Variants in PLD5 observed in about 807,000 individuals in gnomAD.
PLD5 encodes inactive phospholipase D5.
Under a neutral mutation model 61.1 loss-of-function variants are expected in PLD5, and 36 were observed. That is an observed-to-expected ratio of 0.59 (90% CI 0.45 to 0.78). The LOEUF is 0.78. PLD5 is among the 30% of genes least tolerant of loss of function. The pLI, the probability that PLD5 is intolerant of heterozygous loss-of-function variation, is 0.00. For synonymous variants in PLD5, 243 were observed against 242.8 expected, an observed-to-expected ratio of 1.00 and a Z score of -0.01; for missense variants, 515 against 644.4, an observed-to-expected ratio of 0.80 and a Z score of 2.17.
At chr1:242,272,425 CTA>C (rs1425808345) in intron 3 of PLD5, among the ~76,000 whole-genome samples, 2 of 152,046 alleles carry the variant, frequency 1.3e-5, no homozygotes, top group Non-Finnish European at 2.9e-5. Flanking sequence ...ACTTCTCACT[CTA>C]TATATCAAAT....
rs114172306 is a variant in PLD5, at chr1:242,289,160, G to A, written c.327-630C>T. On this transcript the variant is annotated intron_variant, in intron 2 of 9. Coordinates refer to ENST00000536534, the MANE Select transcript of PLD5 (RefSeq NM_001372062.1). ...ATCAAGCCCTAAATAAACTGCAATTGGCAATATTCTAATAAGTTTGTTTTC... is the reference window on the plus strand; with the variant it reads ...ATCAAGCCCTAAATAAACTGCAATTAGCAATATTCTAATAAGTTTGTTTTC... Among the ~76,000 whole-genome samples, 811 of 152,176 alleles carry A rather than the reference G, an allele frequency of 5.3e-3. 3 individuals are homozygous for A. The highest frequency in any genetic ancestry group is 0.014 in the East Asian group (70 of 5,176).
chr1:242,115,169 T>C (rs1464530270), intron 6 of PLD5, among the ~76,000 whole-genome samples: 1 of 151,672 alleles, frequency 6.6e-6, no homozygotes, highest in Non-Finnish European at 1.5e-5. Flanking sequence ...CAGAGCAAGA[T>C]GCTGTCTGAA....
chr1:242,448,861 G>C (rs1666661515), intron 1 of PLD5, among the ~76,000 whole-genome samples: 1 of 152,208 alleles, frequency 6.6e-6, no homozygotes. Context: ...TCACGTGGAA[G>C]TTTGCTCTAG....
At chr1:242,141,727 T>C (rs1335704087) in intron 5 of PLD5, among the ~76,000 whole-genome samples, 1 of 152,176 alleles carries the variant, frequency 6.6e-6, no homozygotes, top group East Asian at 1.9e-4. Context: ...GTGGGGCCTC[T>C]GCAGAAATTT....
intron 5 of PLD5, among the ~76,000 whole-genome samples, chr1:242,207,816 T>TATTTATATATATATATATTTA (rs1558343822): frequency 5.1e-5 from 2 of 39,126 alleles, no homozygotes; most frequent in Non-Finnish European, 8.5e-5. Context: ...ATATTTATAT[T>TATTTATATATATATATATTTA]TATATATTTA....
At chr1:242,353,777 G>C (rs908725621) in intron 1 of PLD5, among the ~76,000 whole-genome samples, 2 of 151,868 alleles carry the variant, frequency 1.3e-5, no homozygotes, top group Admixed American at 6.6e-5. Flanking sequence ...CCATATATTT[G>C]TGTCTTCAAT....
At chr1:242,347,837 A>T (rs1660227004) in intron 2 of PLD5, among the ~76,000 whole-genome samples, 1 of 152,176 alleles carries the variant, frequency 6.6e-6, no homozygotes, top group African/African-American at 2.4e-5. Context: ...CCTCATATAC[A>T]GTGGTCTCCA....
At chr1:242,182,346 C>T (rs528780007) in intron 5 of PLD5, among the ~76,000 whole-genome samples, 7 of 148,556 alleles carry the variant, frequency 4.7e-5, no homozygotes, top group Admixed American at 2.7e-4. Flanking sequence ...CAGAGGCATT[C>T]GCCAAATTGG....
chr1:242,148,301 C>T (rs1664679442), intron 5 of PLD5, among the ~76,000 whole-genome samples: 1 of 102,822 alleles, frequency 9.7e-6, no homozygotes, highest in Non-Finnish European at 2.3e-5. Context: ...AATCAATTGG[C>T]CATATATGTG....
intron 4 of PLD5, among the ~76,000 whole-genome samples, chr1:242,242,572 C>T (rs1033191501): frequency 6.6e-6 from 1 of 152,166 alleles, no homozygotes; most frequent in Non-Finnish European, 1.5e-5. Flanking sequence ...AGAATTAACA[C>T]AACAGGTATC....
chr1:242,362,856 G>A lies in PLD5; in HGVS notation c.190-14614C>T, dbSNP rs147028398. 1.7e-3 allele frequency among the ~76,000 whole-genome samples: 256 copies of A among 152,142 alleles called. 1 individual carries two copies. Among genetic ancestry groups the A allele is most frequent in the African/African-American group, 5.9e-3 (244 of 41,508 alleles). On this transcript the variant is annotated intron_variant, in intron 1 of 9. Coordinates refer to ENST00000536534, the MANE Select transcript of PLD5 (RefSeq NM_001372062.1). ...ATTTACTCCCAAGGCACCCCTCGCTGTACATATTGGTAACCTGCAAATGTA... is the reference window on the plus strand; with the variant it reads ...ATTTACTCCCAAGGCACCCCTCGCTATACATATTGGTAACCTGCAAATGTA...
chr1:242,493,137 C>A (rs1668223259), intron 1 of PLD5, among the ~76,000 whole-genome samples: 1 of 152,084 alleles, frequency 6.6e-6, no homozygotes, highest in Non-Finnish European at 1.5e-5. Context: ...CTCACAAAAC[C>A]ATAAAAGTTG....
intron 4 of PLD5, among the ~76,000 whole-genome samples, chr1:242,224,081 TATATA>T (rs1182984184): frequency 1.3e-5 from 2 of 152,204 alleles, no homozygotes; most frequent in Admixed American, 6.5e-5. Flanking sequence ...GATTAAAAAG[TATATA>T]ATATGTCACT....
At chr1:242,495,447 C>T (rs548064688) in intron 1 of PLD5, among the ~76,000 whole-genome samples, 21 of 152,146 alleles carry the variant, frequency 1.4e-4, no homozygotes, top group South Asian at 6.2e-4. Context: ...AGTGAAGACA[C>T]GAGCTGTAAG....
chr1:242,392,719 G>A (rs1044353760), intron 1 of PLD5, among the ~76,000 whole-genome samples: 6 of 152,156 alleles, frequency 3.9e-5, no homozygotes, highest in Non-Finnish European at 4.4e-5. Flanking sequence ...CACAGGGCCA[G>A]AAGCCTTCAG....
In PLD5 at chr1:242,334,822, G is replaced by A. The variant is rs142820523; in HGVS notation, c.326+13284C>T. ...TGGCCATGAACAGTACAGAAAGTTG[G>A]CAGCAAGATGGGGCCGTAGAAACAA... On this transcript the variant is annotated intron_variant, in intron 2 of 9. Transcript: ENST00000536534. 5.2e-3 allele frequency among the ~76,000 whole-genome samples: 791 copies of A among 152,238 alleles called. 6 individuals carry two copies. The highest frequency in any genetic ancestry group is 0.034 in the Middle Eastern group (10 of 294).
chr1:242,382,088 G>A (rs1175941672), intron 1 of PLD5, among the ~76,000 whole-genome samples: 5 of 145,002 alleles, frequency 3.4e-5, no homozygotes, highest in Admixed American at 2.2e-4. Context: ...GGTGATTCCC[G>A]GGGTTTGACT....
chr1:242,377,541 C>G (rs1196183443), intron 1 of PLD5: 1 of 579,046 alleles, frequency 1.7e-6, no homozygotes, highest in Non-Finnish European at 3.1e-6. Flanking sequence ...TCAGTCTAAG[C>G]AATACGATTT....
intron 5 of PLD5, among the ~76,000 whole-genome samples, chr1:242,214,903 G>T (rs1335489959): frequency 1.8e-5 from 2 of 112,416 alleles, no homozygotes; most frequent in African/African-American, 3.6e-5. Flanking sequence ...TTGAGATGGA[G>T]TCTTGCTCTG....
Sources: gnomAD v4.1 joint callset for allele counts (sites outside exome capture counted in the v4.1 genomes callset) on GRCh38, gnomAD v4.1.1 for gene constraint, MANE v1.5 for transcripts, NCBI Gene and HGNC (gene_info 2026-07-23, HGNC 2026-07-21) for gene names.